Variants in CACNA1C observed in about 807,000 individuals in gnomAD.
CACNA1C encodes calcium voltage-gated channel subunit alpha1 C, also known as voltage-dependent L-type calcium channel subunit alpha-1C.
A neutral mutation model predicts 229.0 loss-of-function variants in CACNA1C; 30 were observed. That is an observed-to-expected ratio of 0.13 (90% CI 0.10 to 0.18). The LOEUF is 0.18. CACNA1C is among the 10% of genes least tolerant of loss of function. CACNA1C has a pLI of 1.00. For missense variants in CACNA1C, 1,658 were observed against 2,845.0 expected (o/e 0.58, Z 9.49); for synonymous variants, 1,114 against 1,132.5 (o/e 0.98, Z 0.33).
At chr12:2,607,203 A>G in intron 26 of CACNA1C, 73 bp downstream of exon 26, 1 of 1,483,750 alleles carries the variant, frequency 6.7e-7, no homozygotes, top group Non-Finnish European at 9.2e-7. Flanking sequence ...CCCATCCCCA[A>G]GTTTTGTTAA....
intron 32 of CACNA1C, among the ~76,000 whole-genome samples, chr12:2,652,999 G>A (rs945831854): frequency 2.0e-5 from 3 of 152,234 alleles, no homozygotes; most frequent in East Asian, 1.9e-4. Flanking sequence ...CTGCTCTGAC[G>A]GCACCCTCTA....
intron 3 of CACNA1C, among the ~76,000 whole-genome samples, chr12:2,293,912 T>C (rs1359038591): frequency 1.4e-5 from 2 of 138,464 alleles, no homozygotes; most frequent in Non-Finnish European, 3.2e-5. Context: ...AATTTATCAT[T>C]TTTTTCTTAA....
chr12:2,018,044 G>T (rs1252280745), intron 1 of CACNA1C, among the ~76,000 whole-genome samples: 1 of 152,218 alleles, frequency 6.6e-6, no homozygotes, highest in Non-Finnish European at 1.5e-5. Context: ...ACAGGCCACA[G>T]GCCAGAGGTT....
At chr12:2,282,158 C>T (rs1566861756) in intron 3 of CACNA1C, among the ~76,000 whole-genome samples, 1 of 152,186 alleles carries the variant, frequency 6.6e-6, no homozygotes, top group Non-Finnish European at 1.5e-5. Context: ...TCCAGAGCTT[C>T]TGTTCCCAAA....
chr12:1,991,461 TTAA>T (rs2039398330), intron 1 of CACNA1C: 1 of 236,056 alleles, frequency 4.2e-6, no homozygotes, highest in African/African-American at 2.3e-5. Context: ...GCAAGTGAAA[TTAA>T]TAATATATTT....
At chr12:2,002,408 T>C (rs2042384249) in intron 1 of CACNA1C, among the ~76,000 whole-genome samples, 1 of 152,220 alleles carries the variant, frequency 6.6e-6, no homozygotes, top group African/African-American at 2.4e-5. Context: ...AGATTAGAAC[T>C]TTGAAAGAAT....
At chr12:2,299,235 T>C (rs900318761) in intron 3 of CACNA1C, among the ~76,000 whole-genome samples, 4 of 152,236 alleles carry the variant, frequency 2.6e-5, no homozygotes, top group Non-Finnish European at 5.9e-5. Context: ...CCCCACCTCC[T>C]CCTTTGCTTC....
chr12:2,677,835 G>A lies in CACNA1C; in HGVS notation c.5059G>A (p.Val1687Met), dbSNP rs2096900529. The A allele has an allele frequency of 1.2e-6, 2 of 1,613,936 alleles. No homozygotes were observed. Among genetic ancestry groups the A allele is most frequent in the Non-Finnish European group, 1.7e-6 (2 of 1,179,906 alleles). ...EELDKAMKEA[V>M]SAASEDDIFR... is the part of the protein sequence containing the mutation. The stretch of plus-strand genomic sequence containing the variant: ...GCTGGACAAGGCCATGAAGGAGGCT[G>A]TGTCCGCTGCTTCTGAAGATGACAT... Residue 1687 changes from valine to methionine, a missense_variant, in exon 41 of 47, where the codon GTG (valine) becomes ATG (methionine). Physicochemically the swap from Val to Met is conservative, Grantham distance 21 (BLOSUM62 1). This residue lies in a region of CACNA1C where 590 missense variants were observed against 700.8 expected (regional missense o/e 0.84). Coordinates refer to ENST00000399655, the MANE Select transcript of CACNA1C (RefSeq NM_000719.7). The surrounding 1 kb of genome is among the most constrained non-coding windows in gnomAD (Gnocchi z 7.4).
chr12:2,688,959 A>G lies in CACNA1C; in HGVS notation c.6117+180A>G, dbSNP rs186853138. 1.7e-3 allele frequency among the ~76,000 whole-genome samples: 261 copies of G among 152,294 alleles called. 1 individual carries two copies. Among genetic ancestry groups the G allele is most frequent in the African/African-American group, 6.0e-3 (251 of 41,562 alleles). On this transcript the variant is annotated intron_variant, in intron 46 of 46. Transcript: ENST00000399655. ...CGTGTGCGGAAAGCCATGACTGCAC[A>G]AGATGCTATGGGCTCTCTTGAGGCT...
chr12:2,339,891 G>C (rs1387886132), intron 3 of CACNA1C, among the ~76,000 whole-genome samples: 1 of 152,158 alleles, frequency 6.6e-6, no homozygotes, highest in African/African-American at 2.4e-5. Context: ...AGACCAAAGG[G>C]ATACTACTCT....
intron 3 of CACNA1C, among the ~76,000 whole-genome samples, chr12:2,316,450 A>G (rs1420910766): frequency 6.6e-6 from 1 of 152,220 alleles, no homozygotes; most frequent in Non-Finnish European, 1.5e-5. Context: ...TATCTACTGT[A>G]TGCAGACAGA....
At chr12:2,162,856 T>C (rs2095965200) in intron 3 of CACNA1C, among the ~76,000 whole-genome samples, 1 of 152,146 alleles carries the variant, frequency 6.6e-6, no homozygotes, top group Non-Finnish European at 1.5e-5. Flanking sequence ...AACCACTCCA[T>C]TGAGAACCAG....
chr12:2,078,926 A>G (rs1056401323), intron 1 of CACNA1C, among the ~76,000 whole-genome samples: 10 of 152,168 alleles, frequency 6.6e-5, no homozygotes, highest in African/African-American at 2.2e-4. Flanking sequence ...TGGCACATAT[A>G]CACCATGGAA....
rs1315208608 is a variant in CACNA1C, at chr12:2,666,792, A to C, written c.4623+10A>C. 1.3e-6 allele frequency: 2 copies of C among 1,556,714 alleles called. No individual in the cohort carries two copies. The highest frequency in any genetic ancestry group is 2.7e-5 in the African/African-American group (2 of 73,750). ...CCGCGTGGCTTGCAAAGTAAGAGAT[A>C]ACGGGGTTCATGGGAGGGAGAGGGA... On this transcript the variant is annotated intron_variant, in intron 37 of 46. Coordinates refer to ENST00000399655, the MANE Select transcript of CACNA1C (RefSeq NM_000719.7). The surrounding 1 kb of genome is among the most constrained non-coding windows in gnomAD (Gnocchi z 5.3).
intron 13 of CACNA1C, among the ~76,000 whole-genome samples, chr12:2,578,035 A>C (rs574950803): frequency 3.3e-5 from 5 of 151,230 alleles, no homozygotes; most frequent in African/African-American, 1.2e-4. Flanking sequence ...CACCCGGCTA[A>C]TTTTTTGTAT....
intron 3 of CACNA1C, among the ~76,000 whole-genome samples, chr12:2,353,528 G>A (rs532488285): frequency 2.6e-5 from 4 of 152,344 alleles, no homozygotes; most frequent in Admixed American, 2.6e-4. Flanking sequence ...AGCAGGAGGT[G>A]GAGAGGGAGA....
intron 43 of CACNA1C, 54 bp downstream of exon 43, chr12:2,682,732 G>C: frequency 6.4e-7 from 1 of 1,572,242 alleles, no homozygotes; most frequent in Non-Finnish European, 8.6e-7. Context: ...ACAAATGTGG[G>C]GAGGCAGAGG....
chr12:2,297,264 G>A (rs2094131620), intron 3 of CACNA1C, among the ~76,000 whole-genome samples: 2 of 152,222 alleles, frequency 1.3e-5, no homozygotes, highest in African/African-American at 2.4e-5. Context: ...GTTAGTGACA[G>A]CAGCATTCAC....
intron 1 of CACNA1C, among the ~76,000 whole-genome samples, chr12:2,083,684 C>G (rs968179766): frequency 2.6e-5 from 4 of 152,228 alleles, no homozygotes; most frequent in Non-Finnish European, 5.9e-5. Flanking sequence ...CATTGCTACT[C>G]TCAGTGCTTG....
Sources: gnomAD v4.1 joint callset for allele counts (sites outside exome capture counted in the v4.1 genomes callset) on GRCh38, gnomAD v4.1.1 for gene constraint, gnomAD v4.1.1 regional missense constraint, Gnocchi (gnomAD v3.1) non-coding constraint, MANE v1.5 for transcripts, NCBI Gene and HGNC (gene_info 2026-07-23, HGNC 2026-07-21) for gene names.